The following GABRB1 variants were observed in gnomAD, a reference collection of about 807,000 sequenced individuals.
GABRB1 encodes the protein gamma-aminobutyric acid type A receptor subunit beta1.
GABRB1 carries 17 observed loss-of-function variants against 51.6 expected under a neutral mutation model. The observed-to-expected ratio is 0.33, with a 90% CI of 0.23 to 0.49. GABRB1 has a LOEUF of 0.49. Among genes scored for constraint, GABRB1 ranks in the 20% least tolerant of loss-of-function variants. GABRB1 has a pLI of 0.99. For synonymous variants in GABRB1, 247 were observed against 218.9 expected (o/e 1.13, Z -1.14); for missense variants, 410 against 600.6 (o/e 0.68, Z 3.32).
intron 3 of GABRB1, among the ~76,000 whole-genome samples, chr4:47,053,150 AC>A (rs1432900532): frequency 6.6e-6 from 1 of 152,140 alleles, no homozygotes; most frequent in Non-Finnish European, 1.5e-5. Flanking sequence ...TGTGTTACTA[AC>A]CCCAAGAAGA....
chr4:47,199,856 G>GA (rs1224954029), intron 4 of GABRB1, among the ~76,000 whole-genome samples: 4 of 151,810 alleles, frequency 2.6e-5, no homozygotes, highest in African/African-American at 4.8e-5. Context: ...TCTAGACAGA[G>GA]AAAAAAAATG....
chr4:47,288,575 T>C (rs1723601826), intron 4 of GABRB1, among the ~76,000 whole-genome samples: 1 of 152,138 alleles, frequency 6.6e-6, no homozygotes, highest in South Asian at 2.1e-4. Context: ...GCTTCTATCT[T>C]AATAATGTTT....
At chr4:47,044,622 T>C (rs2109494992) in intron 3 of GABRB1, among the ~76,000 whole-genome samples, 1 of 152,186 alleles carries the variant, frequency 6.6e-6, no homozygotes, top group East Asian at 1.9e-4. Flanking sequence ...TACAATAGTG[T>C]AATTGTTAAG....
intron 4 of GABRB1, among the ~76,000 whole-genome samples, chr4:47,289,305 G>C (rs1183976199): frequency 6.6e-6 from 1 of 152,084 alleles, no homozygotes; most frequent in Non-Finnish European, 1.5e-5. Flanking sequence ...CACTCAGAAA[G>C]GAAAAAGTGC....
At chr4:47,298,801 A>G (rs1724121385) in intron 4 of GABRB1, among the ~76,000 whole-genome samples, 5 of 152,198 alleles carry the variant, frequency 3.3e-5, no homozygotes, top group Admixed American at 2.6e-4. Flanking sequence ...AGCCAAAAGA[A>G]CAAAGCTGGA....
intron 4 of GABRB1, among the ~76,000 whole-genome samples, chr4:47,287,575 TAGAC>T (rs879941089): frequency 6.6e-6 from 1 of 152,234 alleles, no homozygotes; most frequent in Non-Finnish European, 1.5e-5. Context: ...TACTTTGTGT[TAGAC>T]AGCATCTAAA....
chr4:47,393,354 G>A (rs1728072964), intron 5 of GABRB1, among the ~76,000 whole-genome samples: 2 of 152,168 alleles, frequency 1.3e-5, no homozygotes, highest in African/African-American at 2.4e-5. Context: ...AGATAAGCCA[G>A]GTAAAATTCA....
At chr4:47,303,187 G>A (rs1196803967) in intron 4 of GABRB1, among the ~76,000 whole-genome samples, 6 of 151,890 alleles carry the variant, frequency 4.0e-5, no homozygotes, top group East Asian at 3.9e-4. Context: ...GAACCTCTGT[G>A]CATTTTGTAA....
intron 8 of GABRB1, among the ~76,000 whole-genome samples, chr4:47,425,377 CCACACACACACACACA>C (rs34275303): frequency 8.0e-5 from 11 of 138,332 alleles, no homozygotes; most frequent in Admixed American, 3.6e-4. Context: ...AGAAGAAATA[CCACACACACACACACA>C]CACACACACA....
In GABRB1 at chr4:47,260,753, G is replaced by C. The variant is rs548603942; in HGVS notation, c.462-59374G>C. 1.2e-4 allele frequency among the ~76,000 whole-genome samples: 18 copies of C among 152,262 alleles called. No homozygotes were observed. The East Asian group carries it at 3.1e-3, about 26-fold the overall frequency. On this transcript the variant is annotated intron_variant, in intron 4 of 8. Coordinates refer to ENST00000295454, the MANE Select transcript of GABRB1 (RefSeq NM_000812.4). ...CGGGCAGAGACACAACCAAAAAAGAGAATTTTAGACCAATATCCTTGATGA... is the reference window on the plus strand; with the variant it reads ...CGGGCAGAGACACAACCAAAAAAGACAATTTTAGACCAATATCCTTGATGA...
chr4:47,418,218 T>C (rs1404035523), intron 8 of GABRB1, among the ~76,000 whole-genome samples: 1 of 152,196 alleles, frequency 6.6e-6, no homozygotes, highest in Admixed American at 6.5e-5. Flanking sequence ...CCAACATACA[T>C]ATAATAAGAG....
chr4:47,225,226 C>G (rs914449987), intron 4 of GABRB1, among the ~76,000 whole-genome samples: 2 of 152,198 alleles, frequency 1.3e-5, no homozygotes, highest in East Asian at 3.9e-4. Flanking sequence ...TGTCCTGGAG[C>G]AGAGGTGCTC....
chr4:47,246,970 G>A (rs1416787001), intron 4 of GABRB1, among the ~76,000 whole-genome samples: 1 of 151,972 alleles, frequency 6.6e-6, no homozygotes. Flanking sequence ...CCACTCTGTA[G>A]GCTGTCTGTT....
At chr4:47,237,496 C>T (rs1017360146) in intron 4 of GABRB1, among the ~76,000 whole-genome samples, 2 of 151,992 alleles carry the variant, frequency 1.3e-5, no homozygotes, top group Admixed American at 6.6e-5. Context: ...AGGAATAATT[C>T]ATTCTGACTG....
intron 3 of GABRB1, among the ~76,000 whole-genome samples, chr4:47,115,206 T>C (rs1715410866): frequency 6.6e-6 from 1 of 152,202 alleles, no homozygotes; most frequent in Non-Finnish European, 1.5e-5. Context: ...AGCTAATACA[T>C]CTAAAATGGA....
At chr4:47,295,220 T>C (rs375909316) in intron 4 of GABRB1, among the ~76,000 whole-genome samples, 1 of 152,190 alleles carries the variant, frequency 6.6e-6, no homozygotes, top group Admixed American at 6.5e-5. Flanking sequence ...TCCAAAGGAA[T>C]GCAGTTCCTC....
intron 5 of GABRB1, among the ~76,000 whole-genome samples, chr4:47,366,534 A>G (rs1320890888): frequency 5.3e-5 from 8 of 152,212 alleles, no homozygotes; most frequent in Non-Finnish European, 1.0e-4. Context: ...AAATTCAACC[A>G]TTTGAGATCC....
chr4:47,335,618 C>A (rs150899986), intron 5 of GABRB1, among the ~76,000 whole-genome samples: 40 of 152,264 alleles, frequency 2.6e-4, no homozygotes, highest in African/African-American at 8.7e-4. Context: ...AAGAAGTATT[C>A]TTCTGCTACG....
chr4:47,332,490 A>G (rs184158732), intron 5 of GABRB1, among the ~76,000 whole-genome samples: 1 of 152,286 alleles, frequency 6.6e-6, no homozygotes, highest in East Asian at 1.9e-4. Flanking sequence ...ACAAGTATAT[A>G]ATTTAGTTCC....
Sources: allele counts gnomAD v4.1 joint callset (sites outside exome capture counted in the v4.1 genomes callset), GRCh38; gene constraint gnomAD v4.1.1; transcripts MANE v1.5; gene names NCBI Gene and HGNC (gene_info 2026-07-23, HGNC 2026-07-21).